The following FYB2 variants were observed in gnomAD, a reference collection of about 807,000 sequenced individuals.
The protein encoded by FYB2 is FYN binding protein 2, also known as FYN-binding protein 2.
A neutral mutation model predicts 94.1 loss-of-function variants in FYB2; 103 were observed. The observed-to-expected ratio is 1.09, with a 90% CI of 0.93 to 1.29. The LOEUF is 1.29. Ranked by LOEUF, FYB2 falls within the 50% of genes most tolerant of loss-of-function variation. The pLI, the probability that FYB2 is intolerant of heterozygous loss-of-function variation, is 0.00. For missense variants in FYB2, 896 were observed against 841.5 expected (o/e 1.06, Z -0.80); for synonymous variants, 293 against 287.9 (o/e 1.02, Z -0.18).
intron 19 of FYB2, 42 bp from the exon 20 acceptor site, chr1:56,719,734 AC>A (rs1644449503): frequency 6.7e-7 from 1 of 1,482,046 alleles, no homozygotes; most frequent in Non-Finnish European, 9.2e-7. Context: ...AAAATATAGG[AC>A]AATGAAACAG....
upstream of FYB2, among the ~76,000 whole-genome samples, chr1:56,820,502 G>A (rs966003037): frequency 6.6e-6 from 1 of 152,174 alleles, no homozygotes; most frequent in Non-Finnish European, 1.5e-5. Context: ...ATGTGTAACC[G>A]GTGTGACTTT....
intron 11 of FYB2, 24 bp from the exon 12 acceptor site, chr1:56,742,245 T>A: frequency 6.7e-7 from 1 of 1,501,950 alleles, no homozygotes; most frequent in Non-Finnish European, 9.2e-7. Context: ...AAAACCCTAC[T>A]TATATTCATT....
At chr1:56,777,239 CAAAAAAAAAAAAAAAAAAAAAA>C (rs1453236717) in intron 4 of FYB2, among the ~76,000 whole-genome samples, 1 of 4,798 alleles carries the variant, frequency 2.1e-4, no homozygotes, top group Non-Finnish European at 2.6e-4. Context: ...GTCTCAAAAA[CAAAAAAAAAAAAAAAAAAAAAA>C]AAAAAAAAAA....
At position 56,753,919 on chromosome 1, in the gene FYB2, T is replaced by A. The variant is rs752498234; in HGVS notation, c.1147A>T (p.Lys383Ter). Residue 383 changes from lysine to a stop codon, truncating the protein, a stop_gained, in exon 8 of 20, where the codon AAA becomes TAA. Coordinates refer to ENST00000343433, the MANE Select transcript of FYB2 (RefSeq NM_001004303.5). LOFTEE classifies it high-confidence loss of function. The part of the protein sequence containing the change: ...YPEPSAKHED[K>*]KMKEKQPCEL... ...CATGGTTGTTTTTCCTTCATTTTTTTATCTTCATGTTTAGCACTGAAATGT... is the reference window on the plus strand; with the variant it reads ...CATGGTTGTTTTTCCTTCATTTTTTAATCTTCATGTTTAGCACTGAAATGT... The A allele has an allele frequency of 8.7e-6, 14 of 1,606,604 alleles. No individual in the cohort carries two copies. Among genetic ancestry groups the A allele is most frequent in the African/African-American group, 1.4e-5 (1 of 73,994 alleles).
At chr1:56,728,998 T>C (rs1275438191) in intron 15 of FYB2, among the ~76,000 whole-genome samples, 1 of 152,132 alleles carries the variant, frequency 6.6e-6, no homozygotes, top group African/African-American at 2.4e-5. Flanking sequence ...CTGGACAGCA[T>C]ATCCGGTCTA....
intron 6 of FYB2, among the ~76,000 whole-genome samples, chr1:56,756,804 G>C (rs1283331579): frequency 6.6e-6 from 1 of 152,164 alleles, no homozygotes; most frequent in Non-Finnish European, 1.5e-5. Flanking sequence ...CTATGCACAA[G>C]TGCTATCACA....
chr1:56,792,908 A>AGATCTCACT, intron 1 of FYB2, 105 bp from the exon 2 acceptor site: 1 of 1,176,802 alleles, frequency 8.5e-7, no homozygotes, highest in Non-Finnish European at 1.2e-6. Flanking sequence ...CAGTGTGATT[A>AGATCTCACT]GATCTCACTG....
rs543011084 is a variant in FYB2 at position 56,774,425 on chromosome 1, C to G, written c.954-6487G>C. 2.0e-5 allele frequency among the ~76,000 whole-genome samples: 3 copies of G among 152,222 alleles called. No homozygotes were observed. In the South Asian group the frequency reaches 6.2e-4, roughly 32 times the overall value. On this transcript the variant is annotated intron_variant, in intron 4 of 19. Transcript: ENST00000343433. ...TACTACTTCCACTTTCACTTTTGTA[C>G]TATTTTCCCTTTTACAATTCTACTA...
At position 56,719,086 on chromosome 1, in the gene FYB2, A is replaced by AAAC. The variant is rs1644438963; in HGVS notation, c.*582_*584dup. The AAAC allele has an allele frequency of 3.9e-5, 6 of 152,262 alleles. No individual in the cohort carries two copies. The highest frequency in any genetic ancestry group is 3.9e-4 in the Admixed American group (6 of 15,254). 9.4% of individuals were successfully genotyped at this position (152,262 alleles called of 1,614,324 possible). A position where few individuals can be genotyped will look rare whatever the true frequency, so the allele number is the denominator to read the frequency against. ...ATTTAGGAATAAATTATTTTTCTGC[A>AAAC]AACTATTCCCAAAAGAAACAAATGT... On this transcript the variant is annotated 3_prime_UTR_variant, in exon 20 of 20. Coordinates refer to ENST00000343433, the MANE Select transcript of FYB2 (RefSeq NM_001004303.5).
chr1:56,736,377 G>A (rs986884396), intron 15 of FYB2, among the ~76,000 whole-genome samples: 4 of 146,396 alleles, frequency 2.7e-5, no homozygotes, highest in South Asian at 2.2e-4. Flanking sequence ...AAGAGGGAAA[G>A]TATAAATAAT....
rs1557608417 is a variant in FYB2 at position 56,751,100 on chromosome 1, A to G, written c.1331T>C (p.Ile444Thr). ...AGKQEAMIDI[I>T]QTNPCPEGPK... ...GCCCTCAGGGCAGGGATTTGTCTGG[A>G]TGATGTCAATCATGGCCTCTTGCTT... is the stretch of plus-strand genomic sequence containing the variant. Residue 444 changes from isoleucine (I) to threonine (T), a missense_variant, in exon 9 of 20, where the codon ATC (isoleucine) becomes ACC (threonine). Coordinates refer to ENST00000343433, the MANE Select transcript of FYB2 (RefSeq NM_001004303.5). The G allele has an allele frequency of 2.5e-6, 4 of 1,612,906 alleles. No individual in the cohort carries two copies. The highest frequency in any genetic ancestry group is 8.5e-7 in the Non-Finnish European group (1 of 1,179,264).
chr1:56,734,932 G>A (rs1323153277), intron 15 of FYB2, among the ~76,000 whole-genome samples: 1 of 151,990 alleles, frequency 6.6e-6, no homozygotes, highest in African/African-American at 2.4e-5. Context: ...CTGTTAGGAT[G>A]GCATTCATCA....
At chr1:56,720,382 TAAC>T (rs1644463362) in intron 17 of FYB2, 53 bp from the exon 18 acceptor site, 12 of 1,472,886 alleles carry the variant, frequency 8.1e-6, no homozygotes, top group Non-Finnish European at 1.0e-5. Context: ...TTATTTTTCA[TAAC>T]AAAATTAATG....
At chr1:56,735,325 G>A (rs1644806454) in intron 15 of FYB2, among the ~76,000 whole-genome samples, 1 of 152,062 alleles carries the variant, frequency 6.6e-6, no homozygotes, top group African/African-American at 2.4e-5. Context: ...GGATAGAAGT[G>A]GAGGACATTA....
chr1:56,740,543 C>A lies in FYB2; in HGVS notation c.1703+154G>T, dbSNP rs113378882. On this transcript the variant is annotated intron_variant, in intron 13 of 19. Transcript: ENST00000343433. ...TTAGTCTCTGTGCATGTAGTTCAAT[C>A]AAAAATTCACAAGAAAGGGGCAGAT... 4.7e-4 allele frequency among the ~76,000 whole-genome samples: 72 copies of A among 152,110 alleles called. 2 individuals are homozygous for A. Among genetic ancestry groups the A allele is most frequent in the African/African-American group, 1.3e-3 (56 of 41,528 alleles).
chr1:56,772,644 C>A (rs1402049065), intron 4 of FYB2, among the ~76,000 whole-genome samples: 5 of 152,080 alleles, frequency 3.3e-5, no homozygotes, highest in Non-Finnish European at 7.4e-5. Flanking sequence ...ATGAGACAGA[C>A]CTGGAACATG....
intron 3 of FYB2, 26 bp from the exon 4 acceptor site, chr1:56,787,234 A>G (rs746459193): frequency 6.8e-5 from 110 of 1,613,622 alleles, no homozygotes; most frequent in Non-Finnish European, 9.3e-5. Flanking sequence ...GCGGAATGAA[A>G]AAGAGGCATT....
chr1:56,739,674 A>G (rs2100597518), intron 13 of FYB2, among the ~76,000 whole-genome samples: 1 of 152,250 alleles, frequency 6.6e-6, no homozygotes, highest in East Asian at 1.9e-4. Context: ...ATACGCATTC[A>G]GTAGAAACCT....
chr1:56,757,223 G>A (rs572536057), intron 6 of FYB2, among the ~76,000 whole-genome samples: 1 of 152,216 alleles, frequency 6.6e-6, no homozygotes, highest in South Asian at 2.1e-4. Flanking sequence ...TTTATTATTT[G>A]TTGATGTTGC....
Sources: gnomAD v4.1 joint callset for allele counts (sites outside exome capture counted in the v4.1 genomes callset) on GRCh38, gnomAD v4.1.1 for gene constraint, MANE v1.5 for transcripts, NCBI Gene and HGNC (gene_info 2026-07-23, HGNC 2026-07-21) for gene names.